BACE1-AS: variants seen among roughly 807,000 people sequenced by gnomAD.
The protein encoded by BACE1-AS is BACE1 antisense RNA (non-protein coding).
intron 2 of BACE1-AS, chr11:117,291,906 T>G (rs1471859015): frequency 1.2e-6 from 1 of 825,182 alleles, no homozygotes; most frequent in African/African-American, 1.7e-5. Context: ...CCAGCTGGGT[T>G]GGCATCTTGG....
At chr11:117,291,668 T>C (rs1335483100) in intron 1 of BACE1-AS, 2 of 1,417,712 alleles carry the variant, frequency 1.4e-6, no homozygotes, top group Admixed American at 1.7e-5. Context: ...CGCCTCCCTC[T>C]GACACTGTAC....
At chr11:117,291,525 C>T (rs2034435509) in intron 1 of BACE1-AS, among the ~76,000 whole-genome samples, 2 of 152,210 alleles carry the variant, frequency 1.3e-5, no homozygotes, top group African/African-American at 2.4e-5. Context: ...ATCTGCCCAC[C>T]TTGGCCTCCC....
chr11:117,291,693 C>G, intron 1 of BACE1-AS: 2 of 1,572,636 alleles, frequency 1.3e-6, no homozygotes, highest in Non-Finnish European at 8.8e-7. Context: ...TCTTTTACCC[C>G]CATCCTTAGT....
chr11:117,291,563 A>G (rs571491153), intron 1 of BACE1-AS: 213 of 570,074 alleles, frequency 3.7e-4, no homozygotes, highest in African/African-American at 3.0e-3. Flanking sequence ...GGCGTGAGCC[A>G]CCACGCCTGG....
At chr11:117,291,868 T>C in intron 2 of BACE1-AS, 1 of 1,388,474 alleles carries the variant, frequency 7.2e-7, no homozygotes. Flanking sequence ...TGCTGGGCTC[T>C]GGGCAGTAGG....
At chr11:117,291,972 C>A in intron 2 of BACE1-AS, 2 of 513,858 alleles carry the variant, frequency 3.9e-6, no homozygotes, top group Non-Finnish European at 3.6e-6. Flanking sequence ...TGCCTCAGTT[C>A]CTTCATCTCT....
chr11:117,292,095 G>A (rs1182933523), intron 2 of BACE1-AS: 1 of 177,960 alleles, frequency 5.6e-6, no homozygotes, highest in Non-Finnish European at 1.2e-5. Flanking sequence ...CTTGGTAAAT[G>A]TTTATTCTTG....
chr11:117,291,754 T>C (rs2034445023), exon 2 of BACE1-AS: 1 of 1,613,578 alleles, frequency 6.2e-7, no homozygotes, highest in African/African-American at 1.3e-5. Flanking sequence ...CTTCAAACAC[T>C]TTCTTGGGCA....
chr11:117,291,888 C>T (rs925154533), intron 2 of BACE1-AS: 53 of 1,172,698 alleles, frequency 4.5e-5, no homozygotes, highest in Non-Finnish European at 6.2e-5. Context: ...GGGGTTACTG[C>T]TGGGGCCCCA....
intron 2 of BACE1-AS, chr11:117,291,860 C>G: frequency 7.0e-7 from 1 of 1,437,632 alleles, no homozygotes; most frequent in Non-Finnish European, 9.8e-7. Context: ...GTTTTTGATG[C>G]TGGGCTCTGG....
intron 1 of BACE1-AS, among the ~76,000 whole-genome samples, chr11:117,291,434 C>T (rs774866284): frequency 5.3e-5 from 8 of 152,210 alleles, no homozygotes; most frequent in Non-Finnish European, 1.0e-4. Flanking sequence ...TGCGCCACCA[C>T]ACCCAGCTAA....
At chr11:117,291,923 C>T (rs1182111903) in intron 2 of BACE1-AS, 44 of 674,364 alleles carry the variant, frequency 6.5e-5, no homozygotes, top group Admixed American at 4.3e-4. Flanking sequence ...TTGGCTTTGG[C>T]ACCTCCTAAG....
chr11:117,292,064 G>A (rs542735698), intron 2 of BACE1-AS: 8 of 246,638 alleles, frequency 3.2e-5, no homozygotes, highest in Non-Finnish European at 6.2e-5. Context: ...ACTTAGAATC[G>A]TGCCCAGCAG....
exon 2 of BACE1-AS, chr11:117,291,722 G>T: frequency 1.2e-6 from 2 of 1,612,430 alleles, no homozygotes; most frequent in Non-Finnish European, 1.7e-6. Context: ...GGAGGAGGCT[G>T]CCTTGATGGA....
At chr11:117,291,772 G>A (rs61903702) in intron 2 of BACE1-AS, 2 of 1,613,456 alleles carry the variant, frequency 1.2e-6, no homozygotes, top group Non-Finnish European at 1.7e-6. Context: ...GCAAACGAAG[G>A]TTGGTGGTGC....
At chr11:117,291,671 C>T (rs2034441892) in intron 1 of BACE1-AS, 2 of 1,433,460 alleles carry the variant, frequency 1.4e-6, no homozygotes, top group Admixed American at 1.7e-5. Context: ...CTCCCTCTGA[C>T]ACTGTACCAT....
At chr11:117,291,533 C>T (rs1006137895) in intron 1 of BACE1-AS, among the ~76,000 whole-genome samples, 1 of 152,180 alleles carries the variant, frequency 6.6e-6, no homozygotes, top group African/African-American at 2.4e-5. Flanking sequence ...ACCTTGGCCT[C>T]CCAAAGTGCT....
chr11:117,291,352 C>A (rs1270841684), intron 1 of BACE1-AS, among the ~76,000 whole-genome samples: 1 of 151,766 alleles, frequency 6.6e-6, no homozygotes, highest in Admixed American at 6.6e-5. Context: ...TCATGGCTCA[C>A]CGCAACCTCC....
intron 1 of BACE1-AS, among the ~76,000 whole-genome samples, chr11:117,291,411 A>T (rs1235760911): frequency 1.3e-5 from 2 of 151,862 alleles, no homozygotes; most frequent in Admixed American, 1.3e-4. Flanking sequence ...CTGAGTAGCT[A>T]GGATTACAGG....
Sources: allele counts gnomAD v4.1 joint callset (sites outside exome capture counted in the v4.1 genomes callset), GRCh38; gene constraint gnomAD v4.1.1; transcripts MANE v1.5; gene names NCBI Gene and HGNC (gene_info 2026-07-23, HGNC 2026-07-21).